The following STXBP5 variants were observed in gnomAD, a reference collection of about 807,000 sequenced individuals.
STXBP5 encodes syntaxin-binding protein 5.
STXBP5 carries 50 observed loss-of-function variants against 152.4 expected under a neutral mutation model. The observed-to-expected ratio is 0.33, with a 90% confidence interval of 0.26 to 0.42. The LOEUF is 0.42. STXBP5 is among the 10% of genes least tolerant of loss of function. The pLI, the probability that STXBP5 is intolerant of heterozygous loss-of-function variation, is 1.00. For synonymous variants in STXBP5, 492 were observed against 494.7 expected (o/e 0.99, Z 0.07); for missense variants, 1,167 against 1,388.6 (o/e 0.84, Z 2.54).
intron 19 of STXBP5, among the ~76,000 whole-genome samples, chr6:147,337,893 TAAAAGTAATGGTTCTGCC>T (rs1044407231): frequency 3.3e-5 from 5 of 152,050 alleles, no homozygotes; most frequent in Non-Finnish European, 7.4e-5. Flanking sequence ...AAGACCACTA[TAAAAGTAATGGTTCTGCC>T]AATGCTGGCA....
At chr6:147,309,444 A>G (rs1234310052) in intron 9 of STXBP5, among the ~76,000 whole-genome samples, 2 of 152,138 alleles carry the variant, frequency 1.3e-5, no homozygotes, top group Admixed American at 6.6e-5. Flanking sequence ...GTCTAGATAA[A>G]TAATTTAGGT....
At chr6:147,307,544 G>C (rs1488064453) in intron 9 of STXBP5, among the ~76,000 whole-genome samples, 12 of 151,916 alleles carry the variant, frequency 7.9e-5, no homozygotes, top group Non-Finnish European at 1.5e-4. Flanking sequence ...TTGTATTTAT[G>C]ACTAATTTCT....
chr6:147,363,000 A>G (rs1026576572), intron 23 of STXBP5, among the ~76,000 whole-genome samples: 3 of 152,198 alleles, frequency 2.0e-5, no homozygotes, highest in African/African-American at 7.2e-5. Flanking sequence ...CTGGTAGTGC[A>G]CTTACTGGGT....
intron 16 of STXBP5, among the ~76,000 whole-genome samples, chr6:147,323,463 C>T (rs536458782): frequency 6.6e-6 from 1 of 152,128 alleles, no homozygotes; most frequent in East Asian, 1.9e-4. Context: ...GCCATCTCAG[C>T]CCACTGCAAC....
intron 5 of STXBP5, among the ~76,000 whole-genome samples, chr6:147,262,015 C>T (rs1286006837): frequency 1.3e-5 from 2 of 151,762 alleles, no homozygotes; most frequent in Non-Finnish European, 2.9e-5. Context: ...AATAGATTTC[C>T]TGTGCTCAAA....
At chr6:147,222,647 A>G (rs950997423) in intron 2 of STXBP5, among the ~76,000 whole-genome samples, 3 of 152,336 alleles carry the variant, frequency 2.0e-5, no homozygotes, top group Non-Finnish European at 2.9e-5. Flanking sequence ...AGGCTCTCGT[A>G]AAAGTGTTAT....
intron 7 of STXBP5, 31 bp from the exon 8 acceptor site, chr6:147,278,050 T>G: frequency 5.1e-6 from 8 of 1,574,918 alleles, no homozygotes; most frequent in Non-Finnish European, 6.9e-6. Flanking sequence ...TTAAATAGAT[T>G]TTTTAAATGG....
In STXBP5 at chr6:147,204,615, A is replaced by G; in HGVS notation, c.83A>G (p.His28Arg). ...GCGTCGCAGCAGCAACAGCAGCAGC[A>G]TCCGCCTGGGAACCGGGAGCCGGAG... ...SSASQQQQQQ[H>R]PPGNREPEIQ... Residue 28 changes from histidine to arginine, a missense_variant, in exon 1 of 28, where the codon CAT becomes CGT. Physicochemically the swap from His to Arg is conservative, Grantham distance 29. Around this residue, in one of 3 missense-constraint regions of STXBP5, gnomAD observed 310 missense variants for 346.1 expected, o/e 0.90. Coordinates refer to ENST00000321680, the MANE Select transcript of STXBP5 (RefSeq NM_001127715.4). The surrounding 1 kb of genome is among the most constrained non-coding windows in gnomAD (Gnocchi z 4.3). The G allele has an allele frequency of 6.2e-7, 1 of 1,611,122 alleles. No individual in the cohort carries two copies. Among genetic ancestry groups the G allele is most frequent in the Non-Finnish European group, 8.5e-7 (1 of 1,178,584 alleles).
At chr6:147,330,394 CTAT>C (rs1441365778) in intron 18 of STXBP5, among the ~76,000 whole-genome samples, 1 of 151,932 alleles carries the variant, frequency 6.6e-6, no homozygotes, top group Non-Finnish European at 1.5e-5. Context: ...AGTATGAAAG[CTAT>C]TATTATAATA....
At chr6:147,292,160 C>A in intron 9 of STXBP5, 1 of 409,630 alleles carries the variant, frequency 2.4e-6, no homozygotes, top group Non-Finnish European at 4.8e-6. Flanking sequence ...TTTAATCTCC[C>A]CTCCCATTTC....
chr6:147,300,606 T>G (rs144939526), intron 9 of STXBP5, among the ~76,000 whole-genome samples: 32 of 152,120 alleles, frequency 2.1e-4, no homozygotes, highest in South Asian at 1.7e-3. Context: ...GATATCCACA[T>G]GGATAAGACT....
intron 6 of STXBP5, among the ~76,000 whole-genome samples, chr6:147,264,331 A>G (rs758858011): frequency 1.2e-4 from 18 of 152,220 alleles, no homozygotes; most frequent in Non-Finnish European, 2.1e-4. Flanking sequence ...GCTACCATTT[A>G]TTTAATTCTA....
rs1784841674 is a variant in STXBP5 at position 147,356,937 on chromosome 6, G to T, written c.2306-2147G>T. On this transcript the variant is annotated intron_variant, in intron 22 of 27. Coordinates refer to ENST00000321680, the MANE Select transcript of STXBP5 (RefSeq NM_001127715.4). Reference sequence around the variant, plus strand: ...ACTGAGAATTTTAATAAATCCTAATGGAACAGCAGAAGCGTTGGTTTAGAC... The same window carrying T: ...ACTGAGAATTTTAATAAATCCTAATTGAACAGCAGAAGCGTTGGTTTAGAC... Among the ~76,000 whole-genome samples the T allele has an allele frequency of 2.6e-5, 4 of 152,126 alleles. No homozygotes were observed. In the South Asian group the frequency reaches 6.2e-4, roughly 24 times the overall value.
At chr6:147,354,531 T>A (rs1394179771) in intron 22 of STXBP5, among the ~76,000 whole-genome samples, 2 of 151,964 alleles carry the variant, frequency 1.3e-5, no homozygotes, top group Non-Finnish European at 2.9e-5. Flanking sequence ...ATTTTTCCCC[T>A]ATAGCAGAAT....
chr6:147,329,406 AATTAT>A (rs1173320048), intron 18 of STXBP5, among the ~76,000 whole-genome samples: 1 of 150,354 alleles, frequency 6.7e-6, no homozygotes, highest in Middle Eastern at 3.3e-3. Flanking sequence ...TAAAAATTAA[AATTAT>A]ATTAAAGTAT....
chr6:147,359,219 G>A lies in STXBP5; in HGVS notation c.2441G>A (p.Cys814Tyr), dbSNP rs763418862. 32 of 1,614,036 alleles carry A rather than the reference G, an allele frequency of 2.0e-5. No homozygotes were observed. The highest frequency in any genetic ancestry group is 1.2e-4 in the Admixed American group (7 of 59,996). ...AAGACGGACTCGTCCCCTTCCCCTTGTCTATGGGTTGGAACAACGCTAGGA... is the reference window on the plus strand; with the variant it reads ...AAGACGGACTCGTCCCCTTCCCCTTATCTATGGGTTGGAACAACGCTAGGA... The part of the protein sequence containing the change: ...TRKTDSSPSP[C>Y]LWVGTTLGTV... The change falls in exon 23 of 28, where the codon TGT becomes TAT. Residue 814 changes from cysteine (C) to tyrosine (Y), a missense_variant. By Grantham distance (194) the Cys-to-Tyr change is radical. Around this residue, in one of 3 missense-constraint regions of STXBP5, gnomAD observed 833 missense variants for 986.3 expected, o/e 0.84. Coordinates refer to ENST00000321680, the MANE Select transcript of STXBP5 (RefSeq NM_001127715.4).
intron 6 of STXBP5, among the ~76,000 whole-genome samples, chr6:147,263,307 C>A (rs993683101): frequency 6.9e-6 from 1 of 143,900 alleles, no homozygotes; most frequent in Non-Finnish European, 1.5e-5. Context: ...CATTTTAATT[C>A]TTCCTGTGCC....
At chr6:147,309,600 G>A (rs1272581349) in intron 9 of STXBP5, among the ~76,000 whole-genome samples, 3 of 152,086 alleles carry the variant, frequency 2.0e-5, no homozygotes, top group Non-Finnish European at 4.4e-5. Context: ...AAGAAATTAA[G>A]GCATGATTTG....
intron 2 of STXBP5, among the ~76,000 whole-genome samples, chr6:147,223,069 ATTTTCCAG>A (rs1401412565): frequency 6.6e-6 from 1 of 152,136 alleles, no homozygotes; most frequent in African/African-American, 2.4e-5. Flanking sequence ...AGAGTTGTTG[ATTTTCCAG>A]TTTGTTCAGC....
Sources: gnomAD v4.1 joint callset for allele counts (sites outside exome capture counted in the v4.1 genomes callset) on GRCh38, gnomAD v4.1.1 for gene constraint, gnomAD v4.1.1 regional missense constraint, Gnocchi (gnomAD v3.1) non-coding constraint, MANE v1.5 for transcripts, NCBI Gene and HGNC (gene_info 2026-07-23, HGNC 2026-07-21) for gene names.